PPP2R5E: variants seen among roughly 807,000 people sequenced by gnomAD.
PPP2R5E encodes the protein serine/threonine-protein phosphatase 2A 56 kDa regulatory subunit epsilon isoform.
Under a neutral mutation model 65.3 loss-of-function variants are expected in PPP2R5E, and 4 were observed. The ratio of observed to expected loss-of-function variants is 0.06; its 90% confidence interval spans 0.03 to 0.14. PPP2R5E has a LOEUF of 0.14. PPP2R5E is among the 10% of genes least tolerant of loss of function. The probability of loss-of-function intolerance (pLI) is 1.00; values close to 1 mark genes in which losing one functional copy is unlikely to be tolerated. For missense variants in PPP2R5E, 274 were observed against 556.1 expected, an observed-to-expected ratio of 0.49 and a Z score of 5.10; for synonymous variants, 183 against 187.4, an observed-to-expected ratio of 0.98 and a Z score of 0.19.
intron 2 of PPP2R5E, among the ~76,000 whole-genome samples, chr14:63,521,785 CCCT>C: frequency 6.6e-6 from 1 of 152,268 alleles, no homozygotes; most frequent in African/African-American, 2.4e-5. Flanking sequence ...TTAAAAAGTC[CCCT>C]GTTTCAATCT....
intron 2 of PPP2R5E, among the ~76,000 whole-genome samples, chr14:63,526,700 G>A (rs999957302): frequency 3.3e-5 from 5 of 152,150 alleles, no homozygotes; most frequent in African/African-American, 9.7e-5. Context: ...GGGACGACAG[G>A]AGCATGCCTC....
chr14:63,432,324 T>C (rs1285015739), intron 3 of PPP2R5E, among the ~76,000 whole-genome samples: 1 of 152,206 alleles, frequency 6.6e-6, no homozygotes, highest in African/African-American at 2.4e-5. Flanking sequence ...TGATAATTGT[T>C]ATGATGAATT....
chr14:63,421,878 A>C (rs1887044884), intron 4 of PPP2R5E, 115 bp downstream of exon 4: 2 of 747,118 alleles, frequency 2.7e-6, no homozygotes, highest in Admixed American at 5.2e-5. Context: ...CTAACTTTCC[A>C]TTAGTGTACT....
intron 2 of PPP2R5E, among the ~76,000 whole-genome samples, chr14:63,500,913 C>T (rs1168454368): frequency 3.3e-5 from 5 of 152,058 alleles, no homozygotes; most frequent in African/African-American, 1.2e-4. Context: ...AGCGTAACAG[C>T]AGCTAAAATT....
At chr14:63,435,738 T>C (rs1204887809) in intron 3 of PPP2R5E, among the ~76,000 whole-genome samples, 3 of 152,240 alleles carry the variant, frequency 2.0e-5, no homozygotes, top group African/African-American at 7.2e-5. Context: ...ATTCGGCTCC[T>C]ATTTCAAGAT....
chr14:63,424,872 A>C (rs1002488723), intron 3 of PPP2R5E, among the ~76,000 whole-genome samples: 1 of 152,236 alleles, frequency 6.6e-6, no homozygotes, highest in Non-Finnish European at 1.5e-5. Context: ...TTGGGGTCTC[A>C]GAAGCTAAGA....
chr14:63,444,691 T>A (rs1390433698), intron 3 of PPP2R5E, among the ~76,000 whole-genome samples: 1 of 152,206 alleles, frequency 6.6e-6, no homozygotes, highest in Non-Finnish European at 1.5e-5. Context: ...CAAGGTGATT[T>A]GGAAAGCCAG....
intron 2 of PPP2R5E, among the ~76,000 whole-genome samples, chr14:63,525,271 T>G (rs1257946424): frequency 6.6e-6 from 1 of 152,144 alleles, no homozygotes. Context: ...TCCAGAAAAA[T>G]GTTTCTTTAC....
intron 11 of PPP2R5E, among the ~76,000 whole-genome samples, chr14:63,387,917 T>C (rs1305946101): frequency 6.6e-6 from 1 of 152,200 alleles, no homozygotes; most frequent in African/African-American, 2.4e-5. Flanking sequence ...AAGAAGGCCA[T>C]CTGCATGCCA....
At chr14:63,479,111 A>G (rs1438229755) in intron 2 of PPP2R5E, among the ~76,000 whole-genome samples, 1 of 152,196 alleles carries the variant, frequency 6.6e-6, no homozygotes, top group Non-Finnish European at 1.5e-5. Context: ...CATGGGTGAC[A>G]GAGTGAGACT....
intron 13 of PPP2R5E, among the ~76,000 whole-genome samples, chr14:63,380,890 T>C (rs1478984960): frequency 2.0e-5 from 3 of 152,084 alleles, no homozygotes; most frequent in Admixed American, 1.3e-4. Flanking sequence ...TTTCCCCTCA[T>C]TGCTCTTTTT....
rs1893971479 is a variant in PPP2R5E, at chr14:63,543,000, C to CCGGTGG, written c.-235_-230dup. On this transcript the variant is annotated 5_prime_UTR_variant, in exon 1 of 14. Transcript: ENST00000337537. ...ACGGCCGGACCCGAACCTCAGCGTT[C>CCGGTGG]CGGTGGCGGCGGCGGCCTCACGATC... is the stretch of plus-strand genomic sequence containing the variant. The CCGGTGG allele has an allele frequency of 6.5e-6, 1 of 152,964 alleles. No homozygotes were observed. Among genetic ancestry groups the CCGGTGG allele is most frequent in the Admixed American group, 6.5e-5 (1 of 15,294 alleles). The allele number at this position is 152,964 out of a possible 1,614,324, so 9.5% of individuals were successfully genotyped here.
At position 63,453,883 on chromosome 14, in the gene PPP2R5E, C is replaced by A; in HGVS notation, c.160G>T (p.Val54Phe). 2.8e-6 allele frequency: 4 copies of A among 1,419,696 alleles called. No homozygotes were observed. The highest frequency in any genetic ancestry group is 5.0e-5 in the East Asian group (2 of 39,792). The allele number at this position is 1,419,696 out of a possible 1,614,324, so 87.9% of individuals were successfully genotyped here. ...ELTPLPLLKDVPSSEQPELFL... is the reference protein window; with the variant it reads ...ELTPLPLLKDFPSSEQPELFL... ...AGTTCAGGCTGCTCTGAGGATGGAA[C>A]GTCTAAGAAAAAAAAAGGAAATGGT... Residue 54 changes from valine to phenylalanine, a missense_variant and splice_region_variant, in exon 3 of 14, where the codon GTT becomes TTT. Around this residue, in one of 6 missense-constraint regions of PPP2R5E, gnomAD observed 58 missense variants for 64.8 expected, o/e 0.90. Coordinates refer to ENST00000337537, the MANE Select transcript of PPP2R5E (RefSeq NM_006246.5).
chr14:63,505,562 G>A (rs552380841), intron 2 of PPP2R5E, among the ~76,000 whole-genome samples: 2 of 152,138 alleles, frequency 1.3e-5, no homozygotes, highest in African/African-American at 2.4e-5. Context: ...CTTCAAGCTC[G>A]TCTGCCTCCA....
chr14:63,440,865 C>T (rs1357264980), intron 3 of PPP2R5E, among the ~76,000 whole-genome samples: 1 of 148,834 alleles, frequency 6.7e-6, no homozygotes, highest in African/African-American at 2.5e-5. Flanking sequence ...AGGAGAATGG[C>T]GTGAGCCCGG....
At chr14:63,436,256 C>A (rs561957491) in intron 3 of PPP2R5E, among the ~76,000 whole-genome samples, 1 of 152,376 alleles carries the variant, frequency 6.6e-6, no homozygotes, top group African/African-American at 2.4e-5. Context: ...ATGAGGACTT[C>A]ATGGTTCCAA....
chr14:63,436,323 C>G (rs929911888), intron 3 of PPP2R5E, among the ~76,000 whole-genome samples: 1 of 152,146 alleles, frequency 6.6e-6, no homozygotes, highest in Non-Finnish European at 1.5e-5. Context: ...TTTAAAAAAG[C>G]ATACACAAAA....
At chr14:63,448,166 G>A (rs1039212893) in intron 3 of PPP2R5E, among the ~76,000 whole-genome samples, 8 of 151,554 alleles carry the variant, frequency 5.3e-5, no homozygotes, top group South Asian at 2.1e-4. Context: ...GCGTGGTGGC[G>A]GGCGCCTGTA....
chr14:63,523,114 G>T (rs2139734291), intron 2 of PPP2R5E, among the ~76,000 whole-genome samples: 1 of 148,984 alleles, frequency 6.7e-6, no homozygotes, highest in African/African-American at 2.5e-5. Context: ...CCGGCCAGCA[G>T]CCCCTTCCGG....
Sources: gnomAD v4.1 joint callset for allele counts (sites outside exome capture counted in the v4.1 genomes callset) on GRCh38, gnomAD v4.1.1 for gene constraint, gnomAD v4.1.1 regional missense constraint, MANE v1.5 for transcripts, NCBI Gene and HGNC (gene_info 2026-07-23, HGNC 2026-07-21) for gene names.